NDST3: variants seen among roughly 807,000 people sequenced by gnomAD.
The protein encoded by NDST3 is bifunctional heparan sulfate N-deacetylase/N-sulfotransferase 3.
Under a neutral mutation model 96.1 loss-of-function variants are expected in NDST3, and 58 were observed. The observed-to-expected ratio is 0.60, with a 90% CI of 0.49 to 0.75. The LOEUF is 0.75. Among genes scored for constraint, NDST3 ranks in the 30% least tolerant of loss-of-function variants. The pLI, the probability that NDST3 is intolerant of heterozygous loss-of-function variation, is 0.00. For missense variants in NDST3, 788 were observed against 1,034.2 expected (o/e 0.76, Z 3.27); for synonymous variants, 333 against 359.7 (o/e 0.93, Z 0.84).
At chr4:118,034,344 G>A (rs1005164202), upstream of NDST3, 1 of 152,160 alleles carries the variant, frequency 6.6e-6, no homozygotes, top group Non-Finnish European at 1.5e-5. Flanking sequence ...TGGTACCAAA[G>A]CCGGTCCCTT....
intron 2 of NDST3, among the ~76,000 whole-genome samples, chr4:118,089,625 T>G (rs555346398): frequency 6.6e-6 from 1 of 152,104 alleles, no homozygotes; most frequent in East Asian, 1.9e-4. Flanking sequence ...GTTAATTATT[T>G]CAAAGACTAA....
At chr4:118,153,114 T>C (rs1013940015) in intron 6 of NDST3, among the ~76,000 whole-genome samples, 1 of 152,236 alleles carries the variant, frequency 6.6e-6, no homozygotes, top group Non-Finnish European at 1.5e-5. Flanking sequence ...ACAGTCATTA[T>C]GGTTTCTAGC....
At position 118,044,845 on chromosome 4, in the gene NDST3, A is replaced by C. The variant is rs139934323; in HGVS notation, c.-155-8911A>C. Among the ~76,000 whole-genome samples, 267 of 152,230 alleles carry C rather than the reference A, an allele frequency of 1.8e-3. 2 individuals carry two copies. Among genetic ancestry groups the C allele is most frequent in the Non-Finnish European group, 2.9e-3 (199 of 68,016 alleles). On this transcript the variant is annotated intron_variant, in intron 1 of 13. Transcript: ENST00000296499. ...GGGGCAAGAGAGCAAGAGCCAGCCA[A>C]ACTTGCTTTTATGACACTCTTGAGA...
intron 6 of NDST3, among the ~76,000 whole-genome samples, chr4:118,152,457 T>TA (rs1374490317): frequency 6.6e-6 from 1 of 152,220 alleles, no homozygotes; most frequent in Non-Finnish European, 1.5e-5. Context: ...AGAATTTCTT[T>TA]AAAACTTATG....
intron 4 of NDST3, among the ~76,000 whole-genome samples, chr4:118,129,854 A>G (rs1232363364): frequency 6.6e-6 from 1 of 152,012 alleles, no homozygotes; most frequent in Non-Finnish European, 1.5e-5. Context: ...TTTTTTATAT[A>G]GCTGTGTGCT....
chr4:118,058,430 C>CAA lies in NDST3; in HGVS notation c.981+3554_981+3555dup, dbSNP rs35067389. On this transcript the variant is annotated intron_variant, in intron 2 of 13. Transcript: ENST00000296499. ...TTTCATTCTTTGTGCCACAAAAAGA[C>CAA]AAAAAAAAAAAAAAAACAGACCTAA... Among the ~76,000 whole-genome samples the CAA allele has an allele frequency of 7.0e-3, 827 of 118,128 alleles. 15 individuals carry two copies. Among genetic ancestry groups the CAA allele is most frequent in the African/African-American group, 0.013 (369 of 28,484 alleles). 77.5% of individuals were successfully genotyped at this position (118,128 alleles called of 152,430 possible). A position where few individuals can be genotyped will look rare whatever the true frequency, so the allele number is the denominator to read the frequency against.
chr4:118,139,227 A>G (rs1733369884), intron 5 of NDST3, among the ~76,000 whole-genome samples: 1 of 152,186 alleles, frequency 6.6e-6, no homozygotes, highest in Admixed American at 6.5e-5. Context: ...CTGAAAATGA[A>G]CCTACTGTGG....
At chr4:118,160,190 C>G (rs1157071634) in intron 6 of NDST3, among the ~76,000 whole-genome samples, 2 of 152,026 alleles carry the variant, frequency 1.3e-5, no homozygotes, top group Non-Finnish European at 2.9e-5. Context: ...TAAAAGGGAG[C>G]CTCCATAACA....
In NDST3 at chr4:118,169,330, ATAATG is replaced by A. The variant is rs1393034339; in HGVS notation, c.1539+25656_1539+25660del. On this transcript the variant is annotated intron_variant, in intron 6 of 13. Coordinates refer to ENST00000296499, the MANE Select transcript of NDST3 (RefSeq NM_004784.3). ...AGCTTAAAAGAAACTAAAAGGCATAATAATGTAATGTAATTTATAAGCCTAAGCTT... is the reference window on the plus strand; with the variant it reads ...AGCTTAAAAGAAACTAAAAGGCATAATAATGTAATTTATAAGCCTAAGCTT... 5.3e-5 allele frequency among the ~76,000 whole-genome samples: 8 copies of A among 152,218 alleles called. No homozygotes were observed. In the East Asian group the frequency reaches 9.6e-4, roughly 18 times the overall value.
At chr4:118,196,386 T>C (rs1375877935) in intron 6 of NDST3, among the ~76,000 whole-genome samples, 1 of 152,180 alleles carries the variant, frequency 6.6e-6, no homozygotes, top group African/African-American at 2.4e-5. Context: ...TAGTCCCTCC[T>C]CCTCTATTTT....
chr4:118,082,917 A>G (rs937523085), intron 2 of NDST3, among the ~76,000 whole-genome samples: 16 of 152,130 alleles, frequency 1.1e-4, no homozygotes, highest in African/African-American at 3.9e-4. Context: ...ATGGCCAGAG[A>G]AGGAGTAAGA....
chr4:118,226,754 T>C (rs967263201), intron 7 of NDST3, 132 bp from the exon 8 acceptor site: 5 of 640,756 alleles, frequency 7.8e-6, no homozygotes, highest in Non-Finnish European at 2.7e-6. Context: ...AGGGCTTTCA[T>C]TTTTTTAAAA....
chr4:118,194,155 C>G, intron 6 of NDST3: 1 of 858,174 alleles, frequency 1.2e-6, no homozygotes, highest in South Asian at 1.3e-5. Flanking sequence ...TCTACATGCA[C>G]TGAATGGCCC....
At chr4:118,073,117 A>G (rs1727219648) in intron 2 of NDST3, among the ~76,000 whole-genome samples, 1 of 152,076 alleles carries the variant, frequency 6.6e-6, no homozygotes, top group Non-Finnish European at 1.5e-5. Context: ...GTGCTGCTGT[A>G]TTTGATTTGC....
chr4:118,129,841 T>C (rs1309686571), intron 4 of NDST3, among the ~76,000 whole-genome samples: 1 of 152,088 alleles, frequency 6.6e-6, no homozygotes, highest in Non-Finnish European at 1.5e-5. Flanking sequence ...GCTCTAATAA[T>C]ATTTTTTTAT....
At chr4:118,088,366 C>T (rs953428503) in intron 2 of NDST3, among the ~76,000 whole-genome samples, 2 of 151,952 alleles carry the variant, frequency 1.3e-5, no homozygotes, top group Admixed American at 1.3e-4. Context: ...CTAGGATGAT[C>T]TAAAGGTATT....
At chr4:118,071,494 T>C (rs1046795347) in intron 2 of NDST3, among the ~76,000 whole-genome samples, 1 of 152,126 alleles carries the variant, frequency 6.6e-6, no homozygotes, top group African/African-American at 2.4e-5. Flanking sequence ...CTCCCACTAA[T>C]AAGTGAGAAC....
intron 6 of NDST3, among the ~76,000 whole-genome samples, chr4:118,199,513 C>A (rs546219803): frequency 1.3e-5 from 2 of 152,048 alleles, no homozygotes; most frequent in Non-Finnish European, 2.9e-5. Context: ...ATTTTGAGTT[C>A]TCTGTCTGAA....
intron 6 of NDST3, among the ~76,000 whole-genome samples, chr4:118,161,461 C>T (rs564758671): frequency 5.3e-5 from 8 of 152,286 alleles, no homozygotes; most frequent in South Asian, 4.1e-4. Context: ...TTTGTCTGTG[C>T]CCTGCCCCCA....
Sources: allele counts gnomAD v4.1 joint callset (sites outside exome capture counted in the v4.1 genomes callset), GRCh38; gene constraint gnomAD v4.1.1; transcripts MANE v1.5; gene names NCBI Gene and HGNC (gene_info 2026-07-23, HGNC 2026-07-21).